Variants in DYM observed in about 807,000 individuals in gnomAD.
The protein encoded by DYM is dyggve-Melchior-Clausen syndrome protein.
Under a neutral mutation model 93.1 loss-of-function variants are expected in DYM, and 78 were observed. The observed-to-expected ratio is 0.84, with a 90% confidence interval of 0.70 to 1.01. The LOEUF is 1.01. DYM is among the 50% of genes least tolerant of loss of function. The pLI is 0.00. For missense variants in DYM, 789 were observed against 845.0 expected (o/e 0.93, Z 0.82); for synonymous variants, 321 against 319.7 (o/e 1.00, Z -0.04).
At chr18:49,110,221 T>A (rs908094344) in intron 16 of DYM, among the ~76,000 whole-genome samples, 1 of 152,244 alleles carries the variant, frequency 6.6e-6, no homozygotes, top group Non-Finnish European at 1.5e-5. Context: ...AGAAAAAGTT[T>A]GAGGACCTCT....
Position 49,056,154 on chromosome 18 carries a change from T to C in DYM, c.2026-11950A>G, listed in dbSNP as rs558263104. Reference sequence around the variant, plus strand: ...ACCCTCTGCTCCCACTTTCCTGAAATGGAGGCAGGACTCTTCAGACAACTC... The same window carrying C: ...ACCCTCTGCTCCCACTTTCCTGAAACGGAGGCAGGACTCTTCAGACAACTC... On this transcript the variant is annotated intron_variant, in intron 17 of 17. Coordinates refer to ENST00000675505, the MANE Select transcript of DYM (RefSeq NM_001353214.3). Among the ~76,000 whole-genome samples, 3 of 152,276 alleles carry C rather than the reference T, an allele frequency of 2.0e-5. No homozygotes were observed. The South Asian group carries it at 6.2e-4, about 32-fold the overall frequency.
rs187429665 is a variant in DYM at position 49,347,510 on chromosome 18, T to C, written c.495-13657A>G. Reference sequence around the variant, plus strand: ...TGCTGCAGGAGTCGCCGATTCGAAATGAAGAAAGTCAGGGCCTGCTTCTAA... The same window carrying C: ...TGCTGCAGGAGTCGCCGATTCGAAACGAAGAAAGTCAGGGCCTGCTTCTAA... On this transcript the variant is annotated intron_variant, in intron 6 of 17. Coordinates refer to ENST00000675505, the MANE Select transcript of DYM (RefSeq NM_001353214.3). Among the ~76,000 whole-genome samples, 18 of 152,298 alleles carry C rather than the reference T, an allele frequency of 1.2e-4. 1 individual carries two copies. The East Asian group carries it at 2.5e-3, about 21-fold the overall frequency.
chr18:49,227,039 T>A (rs1266304816), intron 13 of DYM, among the ~76,000 whole-genome samples: 1 of 152,132 alleles, frequency 6.6e-6, no homozygotes, highest in Non-Finnish European at 1.5e-5. Flanking sequence ...TCCACACCCA[T>A]CTGTCTGCAC....
intron 13 of DYM, among the ~76,000 whole-genome samples, chr18:49,234,524 G>C (rs1435703177): frequency 6.6e-6 from 1 of 152,106 alleles, no homozygotes; most frequent in Admixed American, 6.5e-5. Context: ...CCTGTGGCTT[G>C]AACTAAGATG....
At chr18:49,357,663 T>C (rs909565121) in intron 6 of DYM, among the ~76,000 whole-genome samples, 5 of 152,220 alleles carry the variant, frequency 3.3e-5, no homozygotes, top group African/African-American at 1.2e-4. Flanking sequence ...AGACCCTTAC[T>C]AATTTACTCA....
chr18:49,391,649 G>T lies in DYM; in HGVS notation c.141-4C>A. The T allele has an allele frequency of 6.2e-7, 1 of 1,612,030 alleles. No homozygotes were observed. The highest frequency in any genetic ancestry group is 1.1e-5 in the South Asian group (1 of 91,016). On this transcript the variant is annotated splice_polypyrimidine_tract_variant and splice_region_variant and intron_variant, in intron 2 of 17. Coordinates refer to ENST00000675505, the MANE Select transcript of DYM (RefSeq NM_001353214.3). Reference sequence around the variant, plus strand: ...CTCCAAGAGTTTCAACTCACTACTGGAGAGACAGAAGAATAAAGGTAATTA... The same window carrying T: ...CTCCAAGAGTTTCAACTCACTACTGTAGAGACAGAAGAATAAAGGTAATTA...
At chr18:49,102,227 C>T (rs752810448) in intron 16 of DYM, among the ~76,000 whole-genome samples, 7 of 152,166 alleles carry the variant, frequency 4.6e-5, no homozygotes, top group Non-Finnish European at 5.9e-5. Context: ...AAGCACTTTG[C>T]GCTGTGCAGA....
chr18:49,052,284 C>A (rs1412527801), intron 17 of DYM, among the ~76,000 whole-genome samples: 1 of 152,216 alleles, frequency 6.6e-6, no homozygotes, highest in Non-Finnish European at 1.5e-5. Context: ...ATTTGACCCC[C>A]TCTCCGAATC....
In DYM at chr18:49,453,098, T is replaced by G. The variant is rs745996131; in HGVS notation, c.-54+7300A>C. Among the ~76,000 whole-genome samples the G allele has an allele frequency of 5.2e-4, 70 of 134,334 alleles. 11 individuals are homozygous for G. Among genetic ancestry groups the G allele is most frequent in the Non-Finnish European group, 9.2e-4 (57 of 62,086 alleles). 88.1% of individuals were successfully genotyped at this position (134,334 alleles called of 152,430 possible). A position where few individuals can be genotyped will look rare whatever the true frequency, so the allele number is the denominator to read the frequency against. ...AATGTACCAATCCACACCCTGTGTC[T>G]AGCTCAAGGTTTGTAAATGCACCAA... is the stretch of plus-strand genomic sequence containing the variant. On this transcript the variant is annotated intron_variant, in intron 1 of 17. Transcript: ENST00000675505.
chr18:49,358,139 G>A (rs901003245), intron 6 of DYM, among the ~76,000 whole-genome samples: 5 of 152,032 alleles, frequency 3.3e-5, no homozygotes, highest in Non-Finnish European at 5.9e-5. Context: ...GACAGAGTGG[G>A]AATCCCATCT....
At chr18:49,051,887 G>A (rs1273536144) in intron 17 of DYM, among the ~76,000 whole-genome samples, 5 of 152,360 alleles carry the variant, frequency 3.3e-5, no homozygotes, top group African/African-American at 1.2e-4. Flanking sequence ...AGAGAGAGCA[G>A]CGTGAACACA....
intron 15 of DYM, among the ~76,000 whole-genome samples, chr18:49,132,262 C>G (rs1013747545): frequency 1.3e-5 from 2 of 152,060 alleles, no homozygotes; most frequent in African/African-American, 2.4e-5. Context: ...ATGACAAAAT[C>G]TAATTGCAGA....
intron 14 of DYM, among the ~76,000 whole-genome samples, chr18:49,191,341 TA>T (rs11349747): frequency 0.64 from 97,673 of 151,846 alleles, 32,229 homozygotes; most frequent in Non-Finnish European, 0.74. Flanking sequence ...ACCTAAAACT[TA>T]ACCTTTTGGG....
intron 2 of DYM, among the ~76,000 whole-genome samples, chr18:49,412,676 C>T (rs73959366): frequency 1.3e-3 from 204 of 152,250 alleles, no homozygotes; most frequent in African/African-American, 4.7e-3. Flanking sequence ...TACAACAGAG[C>T]AGATTTTTCA....
At chr18:49,133,046 G>A (rs2083515999) in intron 15 of DYM, among the ~76,000 whole-genome samples, 1 of 152,158 alleles carries the variant, frequency 6.6e-6, no homozygotes, top group South Asian at 2.1e-4. Flanking sequence ...AAATTATAAT[G>A]CTATACATTC....
At chr18:49,275,946 C>G (rs992170009) in intron 10 of DYM, among the ~76,000 whole-genome samples, 1 of 152,146 alleles carries the variant, frequency 6.6e-6, no homozygotes, top group Non-Finnish European at 1.5e-5. Context: ...CTGAACTCAT[C>G]TATTAATTCT....
chr18:49,298,153 A>G (rs1041412219), intron 8 of DYM, among the ~76,000 whole-genome samples: 2 of 138,970 alleles, frequency 1.4e-5, no homozygotes, highest in African/African-American at 4.9e-5. Flanking sequence ...CGATATTACT[A>G]ACCCATCCTG....
chr18:49,253,539 G>A (rs2094332059), intron 13 of DYM, among the ~76,000 whole-genome samples: 1 of 152,072 alleles, frequency 6.6e-6, no homozygotes, highest in Non-Finnish European at 1.5e-5. Flanking sequence ...AATCATCTGG[G>A]GATCTTGTTA....
intron 5 of DYM, among the ~76,000 whole-genome samples, chr18:49,374,258 A>T (rs1352594621): frequency 6.6e-6 from 1 of 152,178 alleles, no homozygotes. Flanking sequence ...CTCACACACC[A>T]ACTTAGTTAA....
Sources: gnomAD v4.1 joint callset for allele counts (sites outside exome capture counted in the v4.1 genomes callset) on GRCh38, gnomAD v4.1.1 for gene constraint, MANE v1.5 for transcripts, NCBI Gene and HGNC (gene_info 2026-07-23, HGNC 2026-07-21) for gene names.